LGR5: variants seen among roughly 807,000 people sequenced by gnomAD.
The protein encoded by LGR5 is leucine-rich repeat-containing G protein-coupled receptor 5.
LGR5 carries 54 observed loss-of-function variants against 76.7 expected under a neutral mutation model. That is an observed-to-expected ratio of 0.70 (90% confidence interval 0.57 to 0.88). LGR5 has a LOEUF of 0.88. LGR5 is among the 40% of genes least tolerant of loss of function. The pLI is 0.00. For missense variants in LGR5, 1,078 were observed against 1,073.3 expected (o/e 1.00, Z -0.06); for synonymous variants, 406 against 421.9 (o/e 0.96, Z 0.46).
At chr12:71,479,031 G>A (rs554434310) in intron 1 of LGR5, among the ~76,000 whole-genome samples, 6 of 152,074 alleles carry the variant, frequency 3.9e-5, no homozygotes, top group South Asian at 4.1e-4. Flanking sequence ...ATTCAATTGC[G>A]AATCAGAGTA....
chr12:71,467,519 C>T (rs1872915155), intron 1 of LGR5, among the ~76,000 whole-genome samples: 1 of 152,158 alleles, frequency 6.6e-6, no homozygotes. Flanking sequence ...CTGATTATCA[C>T]TATCTTTCTT....
intron 16 of LGR5, among the ~76,000 whole-genome samples, chr12:71,581,409 C>T (rs777881396): frequency 1.5e-4 from 23 of 152,342 alleles, no homozygotes; most frequent in Admixed American, 3.3e-4. Flanking sequence ...CCTTCCCTGC[C>T]AACCCTGCGA....
intron 1 of LGR5, among the ~76,000 whole-genome samples, chr12:71,494,524 A>C (rs1369896303): frequency 1.3e-5 from 2 of 151,090 alleles, no homozygotes; most frequent in African/African-American, 2.5e-5. Flanking sequence ...ATAAATAAAC[A>C]ATTTTATCTA....
In LGR5 at chr12:71,439,825, C is replaced by G. The variant is rs552200854; in HGVS notation, c.-256C>G. 4.1e-6 allele frequency: 2 copies of G among 485,020 alleles called. No individual in the cohort carries two copies. Among genetic ancestry groups the G allele is most frequent in the African/African-American group, 4.1e-5 (2 of 48,470 alleles). The allele number at this position is 485,020 out of a possible 1,614,324, so 30.0% of individuals were successfully genotyped here. On this transcript the variant is annotated 5_prime_UTR_variant, in exon 1 of 18. Transcript: ENST00000266674. ...TCCACACCGCTCAGGCCGCGAGCAG[C>G]AGCAAGGCGCACCGCCACTGTCGCC... is the stretch of plus-strand genomic sequence containing the variant.
rs1565761724 is a variant in LGR5 at position 71,564,778 on chromosome 12, C to CATATATACATATATGTACACACTGT, written c.858-1612_858-1611insGTACACACTGTATATATACATATAT. On this transcript the variant is annotated intron_variant, in intron 8 of 17. Coordinates refer to ENST00000266674, the MANE Select transcript of LGR5 (RefSeq NM_003667.4). ...CATATATACATATATGTACACACTG[C>CATATATACATATATGTACACACTGT]ATATATACATATATACATATATGTA... Among the ~76,000 whole-genome samples, 222 of 142,568 alleles carry CATATATACATATATGTACACACTGT rather than the reference C, an allele frequency of 1.6e-3. 14 individuals are homozygous for CATATATACATATATGTACACACTGT. Among genetic ancestry groups the CATATATACATATATGTACACACTGT allele is most frequent in the African/African-American group, 5.7e-3 (206 of 36,368 alleles). The allele number at this position is 142,568 out of a possible 152,430, so 93.5% of individuals were successfully genotyped here. A position where few individuals can be genotyped will look rare whatever the true frequency, so the allele number is the denominator to read the frequency against.
intron 1 of LGR5, among the ~76,000 whole-genome samples, chr12:71,494,977 A>C (rs73340168): frequency 0.024 from 3,636 of 151,126 alleles, 356 homozygotes; most frequent in African/African-American, 0.085. Flanking sequence ...CAGGACCTCC[A>C]GATGCAGTGA....
At chr12:71,525,745 A>T (rs1875967116) in intron 3 of LGR5, among the ~76,000 whole-genome samples, 1 of 151,660 alleles carries the variant, frequency 6.6e-6, no homozygotes, top group Non-Finnish European at 1.5e-5. Context: ...CAGACATCAA[A>T]TTATACTTTA....
chr12:71,542,862 G>A (rs531185110), intron 4 of LGR5, among the ~76,000 whole-genome samples: 1 of 151,200 alleles, frequency 6.6e-6, no homozygotes, highest in Admixed American at 6.6e-5. Context: ...TCCAGATCTG[G>A]ATGGAAAGAA....
At chr12:71,466,819 A>G (rs1464865314) in intron 1 of LGR5, among the ~76,000 whole-genome samples, 36 of 152,130 alleles carry the variant, frequency 2.4e-4, no homozygotes, top group Admixed American at 2.4e-3. Flanking sequence ...GAACATAACG[A>G]TGGCTCTTTT....
At chr12:71,451,297 G>C (rs149140628) in intron 1 of LGR5, among the ~76,000 whole-genome samples, 44 of 152,314 alleles carry the variant, frequency 2.9e-4, no homozygotes, top group African/African-American at 8.4e-4. Flanking sequence ...GGAGGTTACA[G>C]TCTCTTTTCA....
intron 1 of LGR5, among the ~76,000 whole-genome samples, chr12:71,479,984 T>G (rs1405293847): frequency 2.0e-5 from 3 of 152,180 alleles, no homozygotes; most frequent in Non-Finnish European, 2.9e-5. Flanking sequence ...TATCTATTTC[T>G]GTTTTGGAAA....
chr12:71,532,547 G>T (rs1224899855), intron 3 of LGR5, among the ~76,000 whole-genome samples: 24 of 152,094 alleles, frequency 1.6e-4, no homozygotes, highest in Non-Finnish European at 4.4e-5. Context: ...GGTGTTAAAG[G>T]CATAATTTTT....
intron 2 of LGR5, among the ~76,000 whole-genome samples, chr12:71,518,347 A>G (rs1048898109): frequency 2.0e-5 from 3 of 152,222 alleles, no homozygotes; most frequent in African/African-American, 7.2e-5. Flanking sequence ...AAGTCAAAAC[A>G]TAACAGTTGC....
At chr12:71,540,866 TA>T (rs371167983) in intron 4 of LGR5, among the ~76,000 whole-genome samples, 1 of 152,082 alleles carries the variant, frequency 6.6e-6, no homozygotes, top group African/African-American at 2.4e-5. Flanking sequence ...TCAAAGGGGT[TA>T]AAAAAACAGT....
intron 3 of LGR5, among the ~76,000 whole-genome samples, chr12:71,531,978 CT>C (rs144354342): frequency 0.016 from 2,470 of 152,292 alleles, 67 homozygotes; most frequent in African/African-American, 0.055. Flanking sequence ...AAAAAGCTAT[CT>C]GAAACTCTCA....
chr12:71,562,505 T>C (rs148266922), intron 8 of LGR5, among the ~76,000 whole-genome samples: 8 of 152,002 alleles, frequency 5.3e-5, no homozygotes, highest in African/African-American at 1.9e-4. Flanking sequence ...AGCTCAAGAG[T>C]TGGAGGTTAC....
At chr12:71,575,665 C>T (rs977969346) in intron 13 of LGR5, among the ~76,000 whole-genome samples, 5 of 151,970 alleles carry the variant, frequency 3.3e-5, no homozygotes, top group African/African-American at 9.7e-5. Flanking sequence ...GAGCTGAGAT[C>T]GCACTACCGC....
Position 71,578,820 on chromosome 12 carries a change from C to A in LGR5, c.1297C>A (p.Leu433Ile). The change falls in exon 15 of 18, where the codon CTC (leucine) becomes ATC (isoleucine). Residue 433 changes from leucine (L) to isoleucine (I), a missense_variant. Physicochemically the swap from Leu to Ile is conservative, Grantham distance 5 (BLOSUM62 2). Transcript: ENST00000266674. ...GTTTTGCAGGGACCTATCGTCCAAC[C>A]TCCTGTCGTCTTTTCCTATAACTGG... ...SLIKLDLSSNLLSSFPITGLH... is the reference protein window; with the variant it reads ...SLIKLDLSSNILSSFPITGLH... 6.2e-7 allele frequency: 1 copy of A among 1,609,298 alleles called. No individual in the cohort carries two copies. The highest frequency in any genetic ancestry group is 1.3e-5 in the African/African-American group (1 of 74,864).
intron 1 of LGR5, among the ~76,000 whole-genome samples, chr12:71,474,739 CT>C (rs1457654674): frequency 3.9e-5 from 6 of 152,150 alleles, no homozygotes; most frequent in African/African-American, 1.4e-4. Flanking sequence ...GCTTGTAGGG[CT>C]TCTTTTAGAT....
Sources: gnomAD v4.1 joint callset for allele counts (sites outside exome capture counted in the v4.1 genomes callset) on GRCh38, gnomAD v4.1.1 for gene constraint, MANE v1.5 for transcripts, NCBI Gene and HGNC (gene_info 2026-07-23, HGNC 2026-07-21) for gene names.